CYP2F1: variants seen among roughly 807,000 people sequenced by gnomAD.
The protein encoded by CYP2F1 is cytochrome P450 family 2 subfamily F member 1, also known as cytochrome P450 2F1.
CYP2F1 carries 33 observed loss-of-function variants against 40.4 expected under a neutral mutation model. The ratio of observed to expected loss-of-function variants is 0.82; its 90% CI spans 0.62 to 1.09. CYP2F1 has a LOEUF of 1.09. Among genes scored for constraint, CYP2F1 ranks in the 50% least tolerant of loss-of-function variants. CYP2F1 has a pLI of 0.00. For synonymous variants in CYP2F1, 235 were observed against 277.2 expected (o/e 0.85, Z 1.51); for missense variants, 566 against 655.7 (o/e 0.86, Z 1.49).
intron 9 of CYP2F1, 31 bp downstream of exon 9, chr19:41,125,665 C>T: frequency 6.2e-7 from 1 of 1,613,928 alleles, no homozygotes; most frequent in South Asian, 1.1e-5. Context: ...CTTTCTGGCC[C>T]AATTTCTACC....
chr19:41,125,216 G>A (rs1222803767), intron 8 of CYP2F1: 1 of 604,702 alleles, frequency 1.7e-6, no homozygotes, highest in East Asian at 2.9e-5. Context: ...GCTATTCTCA[G>A]GGACCCCTCC....
chr19:41,121,818 C>T, intron 5 of CYP2F1, 139 bp from the exon 6 acceptor site: 1 of 1,048,772 alleles, frequency 9.5e-7, no homozygotes, highest in Admixed American at 2.6e-5. Flanking sequence ...CTTCCCACTC[C>T]CCCTCAGCCC....
intron 7 of CYP2F1, chr19:41,123,295 G>A (rs1194724348): frequency 4.5e-5 from 19 of 418,640 alleles, no homozygotes; most frequent in Non-Finnish European, 7.6e-5. Flanking sequence ...TCCCCCTCCC[G>A]AGTTCAAGGG....
intron 1 of CYP2F1, among the ~76,000 whole-genome samples, chr19:41,115,747 A>G (rs1254810759): frequency 1.3e-5 from 2 of 152,066 alleles, no homozygotes; most frequent in South Asian, 2.1e-4. Context: ...ATAATAGATG[A>G]GAAACAAAGA....
At chr19:41,124,650 C>A in intron 7 of CYP2F1, 69 bp from the exon 8 acceptor site, 3 of 1,425,876 alleles carry the variant, frequency 2.1e-6, no homozygotes, top group Non-Finnish European at 9.6e-7. Context: ...ACGCACACAC[C>A]TCTTATCAGC....
intron 1 of CYP2F1, among the ~76,000 whole-genome samples, 175 bp downstream of exon 1, chr19:41,114,667 A>G (rs1268862830): frequency 1.3e-5 from 2 of 152,038 alleles, no homozygotes; most frequent in African/African-American, 2.4e-5. Context: ...TGCTTCACCA[A>G]GTAGGTGGCT....
At chr19:41,114,654 T>C (rs891707669) in intron 1 of CYP2F1, among the ~76,000 whole-genome samples, 162 bp downstream of exon 1, 13 of 152,322 alleles carry the variant, frequency 8.5e-5, no homozygotes, top group Non-Finnish European at 1.6e-4. Flanking sequence ...ATTTCTTTAC[T>C]GGTGCTTCAC....
Position 41,122,945 on chromosome 19 carries a change from A to T in CYP2F1, c.946A>T (p.Lys316Ter). Residue 316 changes from lysine to a stop codon, truncating the protein, a stop_gained, in exon 7 of 10, where the codon AAG becomes TAG. Transcript: ENST00000331105. LOFTEE classifies it high-confidence loss of function. ...TLHHAFLALMKYPKVQARVQE... is the reference protein window; with the variant it reads ...TLHHAFLALM ...GCACCACGCCTTCCTGGCACTCATG[A>T]AGTACCCAAAAGTTCAAGGTGAGGC... is the stretch of plus-strand genomic sequence containing the variant. The T allele has an allele frequency of 6.2e-7, 1 of 1,613,288 alleles. No homozygotes were observed. The highest frequency in any genetic ancestry group is 8.5e-7 in the Non-Finnish European group (1 of 1,179,628).
chr19:41,123,398 A>G, intron 7 of CYP2F1: 1 of 349,522 alleles, frequency 2.9e-6, no homozygotes. Flanking sequence ...TTCTATTTTT[A>G]GTAGAGACAG....
chr19:41,117,455 TC>T (rs2031887952), intron 3 of CYP2F1, among the ~76,000 whole-genome samples: 1 of 151,624 alleles, frequency 6.6e-6, no homozygotes, highest in African/African-American at 2.4e-5. Flanking sequence ...GCTGCTACTT[TC>T]CCCCAATCCC....
At chr19:41,125,664 C>T (rs878879687) in intron 9 of CYP2F1, 30 bp downstream of exon 9, 1 of 1,613,818 alleles carries the variant, frequency 6.2e-7, no homozygotes, top group South Asian at 1.1e-5. Flanking sequence ...TCTTTCTGGC[C>T]CAATTTCTAC....
Position 41,122,893 on chromosome 19 carries a change from C to G in CYP2F1, c.894C>G (p.Gly298=). The change falls in exon 7 of 10, where the codon GGC becomes GGG. Residue 298 remains glycine, a synonymous_variant. Coordinates refer to ENST00000331105, the MANE Select transcript of CYP2F1 (RefSeq NM_000774.5). ...LLMTTHNLLF[G]GTKTVSTTLH... Reference sequence around the variant, plus strand: ...TGACCACACATAACCTGCTCTTTGGCGGCACCAAGACGGTGAGCACCACGC... The same window carrying G: ...TGACCACACATAACCTGCTCTTTGGGGGCACCAAGACGGTGAGCACCACGC... The G allele has an allele frequency of 6.2e-7, 1 of 1,601,594 alleles. No individual in the cohort carries two copies. The highest frequency in any genetic ancestry group is 8.5e-7 in the Non-Finnish European group (1 of 1,173,314).
At chr19:41,120,103 G>A (rs2032098910) in intron 3 of CYP2F1, among the ~76,000 whole-genome samples, 1 of 151,998 alleles carries the variant, frequency 6.6e-6, no homozygotes, top group Admixed American at 6.6e-5. Flanking sequence ...TAACAGCCCA[G>A]AGTGATCAGG....
intron 6 of CYP2F1, among the ~76,000 whole-genome samples, chr19:41,122,499 C>CACATACAT (rs1005156196): frequency 6.6e-6 from 1 of 151,850 alleles, no homozygotes; most frequent in African/African-American, 2.4e-5. Context: ...CATACACACA[C>CACATACAT]ACATACATAC....
intron 3 of CYP2F1, among the ~76,000 whole-genome samples, chr19:41,119,512 G>A (rs917865732): frequency 1.3e-5 from 2 of 151,716 alleles, no homozygotes; most frequent in African/African-American, 4.8e-5. Flanking sequence ...ACTGTGGGAG[G>A]CCAAGACGGG....
chr19:41,122,021 A>C lies in CYP2F1; in HGVS notation c.710A>C (p.Asn237Thr). Residue 237 changes from asparagine (N) to threonine (T), a missense_variant, in exon 6 of 10, where the codon AAC becomes ACC. By Grantham distance (65) the Asn-to-Thr change is moderately conservative. Coordinates refer to ENST00000331105, the MANE Select transcript of CYP2F1 (RefSeq NM_000774.5). ...GGGCCGCACCAACGCATCTTCCAGA[A>C]CTTCAAGTGCCTGAGAGACCTCATC... ...VPGPHQRIFQNFKCLRDLIAH... is the reference protein window; with the variant it reads ...VPGPHQRIFQTFKCLRDLIAH... 6.2e-7 allele frequency: 1 copy of C among 1,612,926 alleles called. No individual in the cohort carries two copies. Among genetic ancestry groups the C allele is most frequent in the Non-Finnish European group, 8.5e-7 (1 of 1,179,658 alleles).
chr19:41,128,054 CT>C lies in CYP2F1; in HGVS notation c.1451del (p.Phe484SerfsTer100), dbSNP rs779849730. On this transcript the variant is annotated frameshift_variant, in exon 10 of 10. Transcript: ENST00000331105. LOFTEE classifies it low-confidence loss of function (END_TRUNC). ...LSSGLGNLPR[P>X]FQLCLRPR is the part of the protein sequence containing the mutation. Reference sequence around the variant, plus strand: ...TCAGGTCTTGGCAATTTGCCGCGGCCTTTCCAGCTGTGCCTGCGCCCGCGCT... The same window carrying C: ...TCAGGTCTTGGCAATTTGCCGCGGCCTTCCAGCTGTGCCTGCGCCCGCGCT... 1 of 1,609,426 alleles carries C rather than the reference CT, an allele frequency of 6.2e-7. No individual in the cohort carries two copies. Among genetic ancestry groups the C allele is most frequent in the Admixed American group, 1.7e-5 (1 of 59,958 alleles).
At chr19:41,124,688 C>A (rs1307655514) in intron 7 of CYP2F1, 31 bp from the exon 8 acceptor site, 20 of 1,588,696 alleles carry the variant, frequency 1.3e-5, no homozygotes, top group Non-Finnish European at 1.6e-5. Context: ...CCCGCTGATA[C>A]CCTCGACCCC....
intron 4 of CYP2F1, among the ~76,000 whole-genome samples, chr19:41,121,242 T>G (rs545938410): frequency 1.3e-5 from 2 of 152,112 alleles, no homozygotes; most frequent in South Asian, 4.2e-4. Context: ...GCTGTCGATG[T>G]GCTGCAGGAA....
Sources: gnomAD v4.1 joint callset for allele counts (sites outside exome capture counted in the v4.1 genomes callset) on GRCh38, gnomAD v4.1.1 for gene constraint, MANE v1.5 for transcripts, NCBI Gene and HGNC (gene_info 2026-07-23, HGNC 2026-07-21) for gene names.